ST6GALNAC5: variants seen among roughly 807,000 people sequenced by gnomAD.
ST6GALNAC5 encodes alpha-N-acetylgalactosaminide alpha-2,6-sialyltransferase 5.
In ST6GALNAC5, 27 loss-of-function variants were observed where a neutral mutation model predicts 33.6. That is an observed-to-expected ratio of 0.80 (90% CI 0.59 to 1.11). The LOEUF is 1.11. Ranked by LOEUF, ST6GALNAC5 falls within the 50% of genes least tolerant of loss-of-function variation. The pLI is 0.00. For synonymous variants in ST6GALNAC5, 194 were observed against 171.2 expected (o/e 1.13, Z -1.04); for missense variants, 428 against 454.0 (o/e 0.94, Z 0.52).
rs1285127421 is a variant in ST6GALNAC5, at chr1:77,065,272, A to C, written c.*2066A>C. ...TATTTGTGGAAATTTGGAAAGGCAT[A>C]GTTTCAACATGCAAGAATGTAATTA... is the stretch of plus-strand genomic sequence containing the variant. On this transcript the variant is annotated 3_prime_UTR_variant, in exon 5 of 5. Coordinates refer to ENST00000477717, the MANE Select transcript of ST6GALNAC5 (RefSeq NM_030965.3). 6.6e-6 allele frequency: 1 copy of C among 152,204 alleles called. No homozygotes were observed. Among genetic ancestry groups the C allele is most frequent in the East Asian group, 1.9e-4 (1 of 5,202 alleles). 9.4% of individuals were successfully genotyped at this position (152,204 alleles called of 1,614,324 possible). A position where few individuals can be genotyped will look rare whatever the true frequency, so the allele number is the denominator to read the frequency against.
At chr1:76,999,431 A>G (rs2100406499) in intron 2 of ST6GALNAC5, among the ~76,000 whole-genome samples, 1 of 151,740 alleles carries the variant, frequency 6.6e-6, no homozygotes, top group East Asian at 1.9e-4. Flanking sequence ...CTGCTGTGGA[A>G]ATGGTGACTT....
intron 2 of ST6GALNAC5, among the ~76,000 whole-genome samples, chr1:76,974,274 G>A (rs1648902945): frequency 7.1e-6 from 1 of 140,994 alleles, no homozygotes; most frequent in Admixed American, 7.2e-5. Context: ...TTGCAATGGT[G>A]CAATCATAGC....
In ST6GALNAC5 at chr1:77,063,608, A is replaced by T. The variant is rs180710938; in HGVS notation, c.*402A>T. The T allele has an allele frequency of 0.025, 5,164 of 203,912 alleles. 89 individuals carry two copies. The highest frequency in any genetic ancestry group is 0.041 in the African/African-American group (1,767 of 43,434). 12.6% of individuals were successfully genotyped at this position (203,912 alleles called of 1,614,324 possible). On this transcript the variant is annotated 3_prime_UTR_variant, in exon 5 of 5. Transcript: ENST00000477717. ...ATCAAGTTGTATTCTTTCCTGTTCT[A>T]TAACCTTTGTCATCTGTTAGACTCT...
At chr1:77,012,280 A>G (rs1650662837) in intron 2 of ST6GALNAC5, among the ~76,000 whole-genome samples, 1 of 152,222 alleles carries the variant, frequency 6.6e-6, no homozygotes, top group African/African-American at 2.4e-5. Context: ...GAACATACTC[A>G]GTGGAATAAT....
intron 2 of ST6GALNAC5, among the ~76,000 whole-genome samples, chr1:77,039,655 G>A (rs1651769549): frequency 6.6e-6 from 1 of 152,160 alleles, no homozygotes; most frequent in Non-Finnish European, 1.5e-5. Flanking sequence ...TTTTTCTTAT[G>A]AGTCAGGATG....
intron 2 of ST6GALNAC5, among the ~76,000 whole-genome samples, chr1:76,882,164 C>G (rs574820154): frequency 1.5e-3 from 222 of 152,250 alleles, no homozygotes; most frequent in African/African-American, 5.1e-3. Context: ...TTCCACCAAC[C>G]ACCAACTTTG....
In ST6GALNAC5 at chr1:77,065,809, C is replaced by G. The variant is rs1185076668; in HGVS notation, c.*2603C>G. On this transcript the variant is annotated 3_prime_UTR_variant, in exon 5 of 5. Coordinates refer to ENST00000477717, the MANE Select transcript of ST6GALNAC5 (RefSeq NM_030965.3). ...TCGTTATGTTACATGCCTTTTTCCT[C>G]TCTCCCAGCTGTGTCATCAGCTCCC... The G allele has an allele frequency of 6.6e-6, 1 of 152,196 alleles. No individual in the cohort carries two copies. Among genetic ancestry groups the G allele is most frequent in the African/African-American group, 2.4e-5 (1 of 41,456 alleles). 9.4% of individuals were successfully genotyped at this position (152,196 alleles called of 1,614,324 possible).
chr1:76,950,166 C>T (rs1246797985), intron 2 of ST6GALNAC5, among the ~76,000 whole-genome samples: 3 of 152,086 alleles, frequency 2.0e-5, no homozygotes, highest in East Asian at 1.9e-4. Context: ...AGGTCATGCA[C>T]GGTATGAAGG....
At chr1:77,033,135 G>C (rs140774709) in intron 2 of ST6GALNAC5, among the ~76,000 whole-genome samples, 1 of 152,180 alleles carries the variant, frequency 6.6e-6, no homozygotes, top group Non-Finnish European at 1.5e-5. Flanking sequence ...GAGCCAGTGC[G>C]TAACATCAAC....
At chr1:76,984,326 A>C (rs1649390119) in intron 2 of ST6GALNAC5, among the ~76,000 whole-genome samples, 1 of 152,226 alleles carries the variant, frequency 6.6e-6, no homozygotes, top group South Asian at 2.1e-4. Context: ...AAAATGACAA[A>C]GTGGATATCA....
At chr1:77,001,144 T>G (rs1293050232) in intron 2 of ST6GALNAC5, among the ~76,000 whole-genome samples, 2 of 150,542 alleles carry the variant, frequency 1.3e-5, no homozygotes, top group African/African-American at 4.9e-5. Flanking sequence ...TTCTTCCATT[T>G]GTTTGTATCC....
At chr1:76,941,281 G>C (rs1647329151) in intron 2 of ST6GALNAC5, among the ~76,000 whole-genome samples, 1 of 151,964 alleles carries the variant, frequency 6.6e-6, no homozygotes, top group Non-Finnish European at 1.5e-5. Context: ...AAAGTTAGAG[G>C]GCAGCACCTT....
chr1:76,874,224 T>C (rs934670906), intron 2 of ST6GALNAC5, among the ~76,000 whole-genome samples: 3 of 152,210 alleles, frequency 2.0e-5, no homozygotes, highest in African/African-American at 7.2e-5. Context: ...AAATTGGATA[T>C]CAAAGCAACT....
chr1:76,925,520 G>C (rs1570678402), intron 2 of ST6GALNAC5, among the ~76,000 whole-genome samples: 1 of 152,016 alleles, frequency 6.6e-6, no homozygotes, highest in East Asian at 1.9e-4. Flanking sequence ...AATTTCAAAT[G>C]ACAGAGGCTC....
At position 76,950,762 on chromosome 1, in the gene ST6GALNAC5, T is replaced by C. The variant is rs1570701115; in HGVS notation, c.261+82020T>C. Among the ~76,000 whole-genome samples, 3 of 152,178 alleles carry C rather than the reference T, an allele frequency of 2.0e-5. No individual in the cohort carries two copies. In the South Asian group the frequency reaches 6.2e-4, roughly 32 times the overall value. On this transcript the variant is annotated intron_variant, in intron 2 of 4. Transcript: ENST00000477717. ...TGAATCTCCAAAGAAGTGTAGGTTG[T>C]AGGGCATAGAATAGGGAATGAAAAG...
intron 2 of ST6GALNAC5, among the ~76,000 whole-genome samples, chr1:76,894,949 T>C (rs1226972487): frequency 6.6e-6 from 1 of 151,808 alleles, no homozygotes; most frequent in Non-Finnish European, 1.5e-5. Context: ...TTTATAGGAT[T>C]TGGGTAGATA....
chr1:77,010,492 C>G (rs760943894), intron 2 of ST6GALNAC5, among the ~76,000 whole-genome samples: 8 of 151,942 alleles, frequency 5.3e-5, no homozygotes, highest in Non-Finnish European at 8.8e-5. Flanking sequence ...AAGACTCTGT[C>G]TCAAAAAAAT....
intron 2 of ST6GALNAC5, among the ~76,000 whole-genome samples, chr1:76,916,350 T>C (rs1422576441): frequency 6.6e-6 from 1 of 152,180 alleles, no homozygotes; most frequent in Non-Finnish European, 1.5e-5. Context: ...AAATTCTCAA[T>C]CTTCTTGTTT....
intron 2 of ST6GALNAC5, among the ~76,000 whole-genome samples, chr1:76,961,098 A>T (rs2100350144): frequency 1.3e-5 from 2 of 152,326 alleles, no homozygotes; most frequent in South Asian, 2.1e-4. Context: ...ATAAGAAATT[A>T]TAAAAGTATT....
Sources: allele counts gnomAD v4.1 joint callset (sites outside exome capture counted in the v4.1 genomes callset), GRCh38; gene constraint gnomAD v4.1.1; transcripts MANE v1.5; gene names NCBI Gene and HGNC (gene_info 2026-07-23, HGNC 2026-07-21).